The following JMJD1C variants were observed in gnomAD, a reference collection of about 807,000 sequenced individuals.
The protein encoded by JMJD1C is jumonji domain-containing protein 1C.
A neutral mutation model predicts 245.3 loss-of-function variants in JMJD1C; 31 were observed. The observed-to-expected ratio is 0.13, with a 90% CI of 0.09 to 0.17. The LOEUF (loss-of-function observed/expected upper bound fraction) is 0.17, where lower values mean the gene tolerates loss of function less well. JMJD1C is among the 10% of genes least tolerant of loss of function. The probability of loss-of-function intolerance (pLI) is 1.00; values close to 1 mark genes in which losing one functional copy is unlikely to be tolerated. For synonymous variants in JMJD1C, 1,057 were observed against 1,017.4 expected (o/e 1.04, Z -0.74); for missense variants, 2,691 against 3,000.2 (o/e 0.90, Z 2.41).
chr10:63,175,553 T>A (rs749404857), intron 24 of JMJD1C, among the ~76,000 whole-genome samples: 3 of 152,194 alleles, frequency 2.0e-5, no homozygotes, highest in Non-Finnish European at 4.4e-5. Context: ...TATACTTATA[T>A]AAAATGTGAG....
chr10:63,438,442 C>A (rs1951181976), intron 1 of JMJD1C, among the ~76,000 whole-genome samples: 1 of 152,176 alleles, frequency 6.6e-6, no homozygotes, highest in Non-Finnish European at 1.5e-5. Flanking sequence ...TAACCGCTCT[C>A]CCTGCATCTG....
chr10:63,505,278 C>A (rs961709771), intron 1 of JMJD1C, among the ~76,000 whole-genome samples: 2 of 148,340 alleles, frequency 1.3e-5, no homozygotes, highest in East Asian at 3.9e-4. Context: ...GATCGCGCCA[C>A]TGCACTCCAG....
At chr10:63,502,752 G>C (rs1414633652) in intron 1 of JMJD1C, among the ~76,000 whole-genome samples, 3 of 151,246 alleles carry the variant, frequency 2.0e-5, no homozygotes, top group Non-Finnish European at 4.4e-5. Context: ...GGAGCTAAAA[G>C]AAAGGGAATC....
At chr10:63,454,257 A>ATTTTTTTTTTTTTT (rs112838462) in intron 1 of JMJD1C, among the ~76,000 whole-genome samples, 1 of 146,066 alleles carries the variant, frequency 6.8e-6, no homozygotes. Context: ...GGAGAAATTG[A>ATTTTTTTTTTTTTT]TTTTTTTTTT....
At chr10:63,307,217 A>C (rs1390509497) in intron 2 of JMJD1C, among the ~76,000 whole-genome samples, 1 of 152,196 alleles carries the variant, frequency 6.6e-6, no homozygotes, top group Non-Finnish European at 1.5e-5. Flanking sequence ...AAAAGCAAGA[A>C]TGAATGCTGA....
intron 1 of JMJD1C, among the ~76,000 whole-genome samples, chr10:63,451,747 C>G (rs1218582983): frequency 1.3e-5 from 2 of 152,140 alleles, no homozygotes; most frequent in Non-Finnish European, 2.9e-5. Flanking sequence ...TACTGAGAGA[C>G]AACTGTACAG....
At chr10:63,499,432 C>T (rs1026645019) in intron 1 of JMJD1C, among the ~76,000 whole-genome samples, 1 of 152,152 alleles carries the variant, frequency 6.6e-6, no homozygotes, top group African/African-American at 2.4e-5. Context: ...CCTTTGGTGA[C>T]CTGCCTTTAG....
intron 1 of JMJD1C, among the ~76,000 whole-genome samples, chr10:63,424,757 G>T (rs1950343479): frequency 6.6e-6 from 1 of 152,038 alleles, no homozygotes; most frequent in Non-Finnish European, 1.5e-5. Context: ...TGAGAAAAAA[G>T]TATAAACTGC....
intron 3 of JMJD1C, among the ~76,000 whole-genome samples, chr10:63,241,792 T>C (rs193133046): frequency 3.3e-5 from 5 of 152,312 alleles, no homozygotes; most frequent in Admixed American, 2.0e-4. Flanking sequence ...AGGTAAGTTA[T>C]AGGAGGCAAC....
At chr10:63,284,057 G>A (rs886854604) in intron 2 of JMJD1C, among the ~76,000 whole-genome samples, 8 of 151,064 alleles carry the variant, frequency 5.3e-5, no homozygotes, top group African/African-American at 7.3e-5. Flanking sequence ...ACGGAGTCTC[G>A]CTCTGTCACT....
At chr10:63,216,065 G>A (rs1016446787) in intron 5 of JMJD1C, among the ~76,000 whole-genome samples, 6 of 152,170 alleles carry the variant, frequency 3.9e-5, no homozygotes, top group Non-Finnish European at 5.9e-5. Context: ...ACTTTAGGGA[G>A]TAGAAAAAGA....
intron 2 of JMJD1C, among the ~76,000 whole-genome samples, chr10:63,290,506 A>T (rs1858529684): frequency 6.6e-6 from 1 of 152,204 alleles, no homozygotes. Flanking sequence ...GGTTGCAGTG[A>T]GCCAAGATCG....
chr10:63,392,549 G>A (rs11819244), intron 1 of JMJD1C, among the ~76,000 whole-genome samples: 1,530 of 152,058 alleles, frequency 0.01, 29 homozygotes, highest in African/African-American at 0.034. Context: ...GCAAAAGGCC[G>A]GGCATGGTGG....
chr10:63,178,619 A>C (rs1031557084), intron 22 of JMJD1C, among the ~76,000 whole-genome samples: 4 of 152,230 alleles, frequency 2.6e-5, no homozygotes. Context: ...CGGCAGGACA[A>C]AATGTATTCT....
intron 1 of JMJD1C, among the ~76,000 whole-genome samples, chr10:63,421,672 ATAAT>A (rs1564902820): frequency 6.6e-6 from 1 of 152,194 alleles, no homozygotes; most frequent in Non-Finnish European, 1.5e-5. Context: ...CTTTAAGGAG[ATAAT>A]TAAGAATAAA....
chr10:63,426,174 A>G (rs1422779747), intron 1 of JMJD1C, among the ~76,000 whole-genome samples: 7 of 152,096 alleles, frequency 4.6e-5, no homozygotes, highest in Admixed American at 4.6e-4. Flanking sequence ...CAGAGGTTTG[A>G]GACCAGCCTG....
At chr10:63,340,164 A>C (rs187402991) in intron 2 of JMJD1C, among the ~76,000 whole-genome samples, 81 of 152,348 alleles carry the variant, frequency 5.3e-4, no homozygotes, top group African/African-American at 1.9e-3. Flanking sequence ...GAATTTCCAC[A>C]CCTGACCTCA....
chr10:63,206,537 A>T, intron 10 of JMJD1C, 58 bp downstream of exon 10: 1 of 1,336,666 alleles, frequency 7.5e-7, no homozygotes, highest in Non-Finnish European at 1.0e-6. Flanking sequence ...GCAGCACACT[A>T]GTATAGCTAA....
chr10:63,385,842 A>C (rs1947549800), intron 1 of JMJD1C, among the ~76,000 whole-genome samples: 1 of 152,174 alleles, frequency 6.6e-6, no homozygotes, highest in Admixed American at 6.5e-5. Context: ...ATAGGTTTGT[A>C]TAACCCAGGA....
Sources: gnomAD v4.1 joint callset for allele counts (sites outside exome capture counted in the v4.1 genomes callset) on GRCh38, gnomAD v4.1.1 for gene constraint, MANE v1.5 for transcripts, NCBI Gene and HGNC (gene_info 2026-07-23, HGNC 2026-07-21) for gene names.